Variants in SERPIND1 observed in about 807,000 individuals in gnomAD.
The protein encoded by SERPIND1 is heparin cofactor 2.
In SERPIND1, 34 loss-of-function variants were observed where a neutral mutation model predicts 35.0. The ratio of observed to expected loss-of-function variants is 0.97; its 90% CI spans 0.74 to 1.29. SERPIND1 has a LOEUF of 1.29. Among genes scored for constraint, SERPIND1 ranks in the 50% most tolerant of loss-of-function variants. The probability of loss-of-function intolerance (pLI) is 0.00; values close to 1 mark genes in which losing one functional copy is unlikely to be tolerated. For synonymous variants in SERPIND1, 236 were observed against 241.1 expected, an observed-to-expected ratio of 0.98 and a Z score of 0.19; for missense variants, 633 against 637.7, an observed-to-expected ratio of 0.99 and a Z score of 0.08.
intron 2 of SERPIND1, among the ~76,000 whole-genome samples, chr22:20,783,134 A>G (rs1933927853): frequency 6.6e-6 from 1 of 152,170 alleles, no homozygotes; most frequent in African/African-American, 2.4e-5. Flanking sequence ...ACTACTAGTC[A>G]CCCATTACTA....
At chr22:20,786,187 GTC>G in intron 4 of SERPIND1, 39 bp downstream of exon 4, 1 of 1,612,002 alleles carries the variant, frequency 6.2e-7, no homozygotes, top group Admixed American at 1.7e-5. Flanking sequence ...CGTCCCCAGG[GTC>G]TGCCTCAGCA....
intron 4 of SERPIND1, 106 bp from the exon 5 acceptor site, chr22:20,786,769 A>G: frequency 8.8e-7 from 1 of 1,136,662 alleles, no homozygotes; most frequent in South Asian, 1.3e-5. Flanking sequence ...TTTCCACCTT[A>G]CATGTTGTCT....
chr22:20,782,834 G>C (rs1021955698), intron 2 of SERPIND1, among the ~76,000 whole-genome samples: 3 of 152,156 alleles, frequency 2.0e-5, no homozygotes, highest in Non-Finnish European at 4.4e-5. Context: ...CTGAGGTTGA[G>C]AAACCCTGGG....
Position 20,786,770 on chromosome 22 carries a change from C to G in SERPIND1, c.1309-105C>G. The G allele has an allele frequency of 1.7e-6, 2 of 1,145,416 alleles. 1 individual carries two copies. Among genetic ancestry groups the G allele is most frequent in the Non-Finnish European group, 2.6e-6 (2 of 761,294 alleles). 71.0% of individuals were successfully genotyped at this position (1,145,416 alleles called of 1,614,324 possible). A position where few individuals can be genotyped will look rare whatever the true frequency, so the allele number is the denominator to read the frequency against. On this transcript the variant is annotated intron_variant, in intron 4 of 4. Transcript: ENST00000215727. ...CTGACCAGCTGTGATTTCCACCTTA[C>G]ATGTTGTCTTTGGATCCTTTCCCTG...
chr22:20,787,331 T>A lies in SERPIND1; in HGVS notation c.*265T>A. ...TACCTAGAGGGTCTCACCTCCCCAC[T>A]CTTCACAGCAAACCTGAGCAGCGCG... is the stretch of plus-strand genomic sequence containing the variant. On this transcript the variant is annotated 3_prime_UTR_variant, in exon 5 of 5. Transcript: ENST00000215727. 2.0e-6 allele frequency: 1 copy of A among 496,836 alleles called. No homozygotes were observed. The highest frequency in any genetic ancestry group is 3.8e-5 in the East Asian group (1 of 26,074). 30.8% of individuals were successfully genotyped at this position (496,836 alleles called of 1,614,324 possible).
chr22:20,780,775 CAA>C (rs538327544), intron 2 of SERPIND1, among the ~76,000 whole-genome samples: 31 of 67,642 alleles, frequency 4.6e-4, no homozygotes, highest in Admixed American at 1.7e-3. Flanking sequence ...GACTCCATCT[CAA>C]AAAAAAAAAA....
rs1933558753 is a variant in SERPIND1, at chr22:20,779,362, C to T, written c.50C>T (p.Ala17Val). Residue 17 changes from alanine (A) to valine (V), a missense_variant, in exon 2 of 5, where the codon GCG becomes GTG. Ala to Val is a moderately conservative substitution (Grantham distance 64). Coordinates refer to ENST00000215727, the MANE Select transcript of SERPIND1 (RefSeq NM_000185.4). The stretch of plus-strand genomic sequence containing the variant: ...CTCATTTTCCTCATCATAACATCTG[C>T]GTGGGGTGGGAGCAAAGGCCCGCTG... ...ALLIFLIITS[A>V]WGGSKGPLDQ... 3.7e-6 allele frequency: 6 copies of T among 1,614,148 alleles called. No individual in the cohort carries two copies. The highest frequency in any genetic ancestry group is 2.2e-5 in the East Asian group (1 of 44,876).
intron 2 of SERPIND1, 138 bp downstream of exon 2, chr22:20,780,339 G>C (rs1038059226): frequency 7.4e-7 from 1 of 1,348,136 alleles, no homozygotes; most frequent in African/African-American, 1.4e-5. Context: ...CTGGAACGGG[G>C]ACAGGGAAGG....
chr22:20,782,377 C>T (rs1057411617), intron 2 of SERPIND1, among the ~76,000 whole-genome samples: 6 of 152,204 alleles, frequency 3.9e-5, no homozygotes, highest in African/African-American at 1.2e-4. Flanking sequence ...AATAGTCACT[C>T]AATGCCGGGC....
At chr22:20,780,343 G>A (rs1933671949) in intron 2 of SERPIND1, 142 bp downstream of exon 2, 3 of 1,304,356 alleles carry the variant, frequency 2.3e-6, no homozygotes, top group Non-Finnish European at 3.3e-6. Flanking sequence ...AACGGGGACA[G>A]GGAAGGCCAA....
chr22:20,777,219 CTTT>C (rs374097207), intron 1 of SERPIND1, among the ~76,000 whole-genome samples: 2 of 140,976 alleles, frequency 1.4e-5, no homozygotes, highest in African/African-American at 2.6e-5. Context: ...TTTTTCTTTT[CTTT>C]TTTTTTTTTT....
At chr22:20,779,230 T>G (rs758100513) in intron 1 of SERPIND1, 67 bp from the exon 2 acceptor site, 2 of 1,606,938 alleles carry the variant, frequency 1.2e-6, no homozygotes, top group Non-Finnish European at 8.5e-7. Context: ...GAACCTGCCA[T>G]GTGGATGCTG....
intron 1 of SERPIND1, among the ~76,000 whole-genome samples, chr22:20,776,898 C>T (rs572157768): frequency 6.6e-6 from 1 of 152,322 alleles, no homozygotes; most frequent in East Asian, 1.9e-4. Context: ...TTCAGGCCTA[C>T]TGAGTTCAAA....
chr22:20,775,445 A>G (rs2147457045), intron 1 of SERPIND1, among the ~76,000 whole-genome samples: 1 of 152,316 alleles, frequency 6.6e-6, no homozygotes, highest in East Asian at 1.9e-4. Context: ...TTGGCTTTTT[A>G]TCAGATAATG....
At chr22:20,783,176 C>T (rs1933930543) in intron 2 of SERPIND1, among the ~76,000 whole-genome samples, 1 of 152,196 alleles carries the variant, frequency 6.6e-6, no homozygotes, top group South Asian at 2.1e-4. Context: ...CTAACATAGA[C>T]ATGGGCTTAT....
In SERPIND1 at chr22:20,784,149, T is replaced by C. The variant is rs1934019006; in HGVS notation, c.1067T>C (p.Leu356Pro). The C allele has an allele frequency of 6.2e-7, 1 of 1,614,018 alleles. No homozygotes were observed. The highest frequency in any genetic ancestry group is 1.1e-5 in the South Asian group (1 of 91,082). ...GAATACGTGGGGGGCATCAGCATGC[T>C]AATTGTGGTCCCACACAAGATGTCT... is the stretch of plus-strand genomic sequence containing the variant. ...QLEYVGGISM[L>P]IVVPHKMSGM... The change falls in exon 3 of 5, where the codon CTA becomes CCA. Residue 356 changes from leucine (L) to proline (P), a missense_variant. Leu to Pro is a moderately conservative substitution (Grantham distance 98). Coordinates refer to ENST00000215727, the MANE Select transcript of SERPIND1 (RefSeq NM_000185.4).
At chr22:20,777,836 T>C (rs973190565) in intron 1 of SERPIND1, among the ~76,000 whole-genome samples, 4 of 152,148 alleles carry the variant, frequency 2.6e-5, no homozygotes, top group Admixed American at 6.6e-5. Context: ...CAAAACAGAT[T>C]TGACAGGCCA....
chr22:20,774,682 A>ACCCGGGAGGCAGAGGTTGCAGTGAGCGG (rs1933111684), intron 1 of SERPIND1, among the ~76,000 whole-genome samples: 1 of 151,318 alleles, frequency 6.6e-6, no homozygotes, highest in Non-Finnish European at 1.5e-5. Flanking sequence ...AATCGCTTAA[A>ACCCGGGAGGCAGAGGTTGCAGTGAGCGG]CCCGGGAGGC....
At position 20,780,133 on chromosome 22, in the gene SERPIND1, T is replaced by G; in HGVS notation, c.821T>G (p.Ile274Arg). 6.2e-7 allele frequency: 1 copy of G among 1,614,188 alleles called. No homozygotes were observed. Among genetic ancestry groups the G allele is most frequent in the Non-Finnish European group, 8.5e-7 (1 of 1,180,030 alleles). The change falls in exon 2 of 5, where the codon ATA becomes AGA. Residue 274 changes from isoleucine to arginine, a missense_variant. Physicochemically the swap from Ile to Arg is moderately conservative, Grantham distance 97 (BLOSUM62 -3). Coordinates refer to ENST00000215727, the MANE Select transcript of SERPIND1 (RefSeq NM_000185.4). ...NHIMKLTKGL[I>R]KDALENIDPA... is the part of the protein sequence containing the mutation. ...ATCATGAAGCTCACCAAGGGCCTCA[T>G]AAAAGATGCTCTGGAGAATATAGAC... is the stretch of plus-strand genomic sequence containing the variant.
Sources: gnomAD v4.1 joint callset for allele counts (sites outside exome capture counted in the v4.1 genomes callset) on GRCh38, gnomAD v4.1.1 for gene constraint, MANE v1.5 for transcripts, NCBI Gene and HGNC (gene_info 2026-07-23, HGNC 2026-07-21) for gene names.